Variants in POLN observed in about 807,000 individuals in gnomAD.
POLN encodes DNA polymerase nu.
In POLN, 108 loss-of-function variants were observed where a neutral mutation model predicts 113.5. The observed-to-expected ratio is 0.95, with a 90% CI of 0.81 to 1.12. POLN has a LOEUF of 1.12. Among genes scored for constraint, POLN ranks in the 50% most tolerant of loss-of-function variants. POLN has a pLI of 0.00. For synonymous variants in POLN, 386 were observed against 391.5 expected (o/e 0.99, Z 0.17); for missense variants, 1,097 against 1,077.1 (o/e 1.02, Z -0.26).
At chr4:2,091,800 T>TGTGTGTGTGTGCGCGC (rs577896956) in intron 20 of POLN, among the ~76,000 whole-genome samples, 1 of 144,848 alleles carries the variant, frequency 6.9e-6, no homozygotes, top group African/African-American at 2.5e-5. Context: ...TGTGTGTGTG[T>TGTGTGTGTGTGCGCGC]GCGCGCGCTA....
At chr4:2,182,310 G>A (rs911327655) in intron 7 of POLN, among the ~76,000 whole-genome samples, 1 of 152,168 alleles carries the variant, frequency 6.6e-6, no homozygotes, top group Non-Finnish European at 1.5e-5. Context: ...TCTTAAGTTA[G>A]GGTGAGCCCT....
chr4:2,140,951 T>G (rs1380363355), intron 16 of POLN: 2 of 152,318 alleles, frequency 1.3e-5, no homozygotes, highest in Admixed American at 1.3e-4. Flanking sequence ...GAGACGCACT[T>G]CTTCATCCTT....
At chr4:2,107,563 C>T (rs906039218) in intron 19 of POLN, among the ~76,000 whole-genome samples, 2 of 152,024 alleles carry the variant, frequency 1.3e-5, no homozygotes, top group East Asian at 3.9e-4. Context: ...AGTGGGGGAC[C>T]AGCCAGGAAG....
Position 2,213,131 on chromosome 4 carries a change from T to TAA in POLN, c.134-7_134-6dup. 1 of 1,577,020 alleles carries TAA rather than the reference T, an allele frequency of 6.3e-7. No homozygotes were observed. The highest frequency in any genetic ancestry group is 8.6e-7 in the Non-Finnish European group (1 of 1,161,920). ...ACTTGTTTATCACTTCCATAGCTTT[T>TAA]AAAAACAACAAAAAAGAAACATGGG... On this transcript the variant is annotated splice_region_variant and splice_polypyrimidine_tract_variant and intron_variant, in intron 3 of 25. Coordinates refer to ENST00000511885, the MANE Select transcript of POLN (RefSeq NM_181808.4).
At chr4:2,099,274 G>T (rs373356866) in intron 19 of POLN, among the ~76,000 whole-genome samples, 2 of 152,340 alleles carry the variant, frequency 1.3e-5, no homozygotes, top group Admixed American at 1.3e-4. Context: ...CGGAGTAGAA[G>T]AGAGTATCTT....
chr4:2,153,770 G>C (rs1474476124), intron 16 of POLN, among the ~76,000 whole-genome samples: 1 of 151,880 alleles, frequency 6.6e-6, no homozygotes, highest in Non-Finnish European at 1.5e-5. Flanking sequence ...ATGTTTAGCA[G>C]AGACGGGGTT....
In POLN at chr4:2,085,789, C is replaced by T. The variant is rs368773416; in HGVS notation, c.2066-45G>A. 21 of 1,608,292 alleles carry T rather than the reference C, an allele frequency of 1.3e-5. No individual in the cohort carries two copies. The East Asian group carries it at 2.5e-4, about 19-fold the overall frequency. On this transcript the variant is annotated intron_variant, in intron 20 of 25. Coordinates refer to ENST00000511885, the MANE Select transcript of POLN (RefSeq NM_181808.4). ...ATGTCAAAGCCTCACTCACACCAGCCGTGACTGTGTGCATGGGCTCAGTGA... is the reference window on the plus strand; with the variant it reads ...ATGTCAAAGCCTCACTCACACCAGCTGTGACTGTGTGCATGGGCTCAGTGA...
At chr4:2,142,844 C>T (rs1290546942) in intron 16 of POLN, among the ~76,000 whole-genome samples, 1 of 151,602 alleles carries the variant, frequency 6.6e-6, no homozygotes, top group Non-Finnish European at 1.5e-5. Context: ...CCACCCCCAC[C>T]TCCGCCATCC....
chr4:2,232,239 G>C, intron 2 of POLN: 1 of 681,514 alleles, frequency 1.5e-6, no homozygotes, highest in East Asian at 3.3e-5. Flanking sequence ...TAATTTACAT[G>C]GAAAGACTTT....
chr4:2,239,298 C>T (rs1734885733), intron 2 of POLN, among the ~76,000 whole-genome samples: 1 of 152,154 alleles, frequency 6.6e-6, no homozygotes, highest in African/African-American at 2.4e-5. Flanking sequence ...TCTTATTATA[C>T]TTCTTTTAAT....
At chr4:2,235,039 C>T (rs776019721) in intron 2 of POLN, among the ~76,000 whole-genome samples, 2 of 152,290 alleles carry the variant, frequency 1.3e-5, no homozygotes, top group South Asian at 4.1e-4. Flanking sequence ...TCACCCGCCA[C>T]CACGCCCGGC....
At chr4:2,233,052 T>TTC (rs1327255888) in intron 2 of POLN, among the ~76,000 whole-genome samples, 2 of 152,180 alleles carry the variant, frequency 1.3e-5, no homozygotes, top group African/African-American at 2.4e-5. Context: ...TCCCTGATGA[T>TTC]TCTAATGTAC....
At chr4:2,091,805 G>A (rs545177253) in intron 20 of POLN, among the ~76,000 whole-genome samples, 11 of 151,628 alleles carry the variant, frequency 7.3e-5, no homozygotes, top group African/African-American at 2.4e-4. Context: ...GTGTGTGCGC[G>A]CGCTACAATT....
chr4:2,099,202 C>T (rs1029189861), intron 19 of POLN, among the ~76,000 whole-genome samples: 24 of 152,096 alleles, frequency 1.6e-4, no homozygotes, highest in Admixed American at 1.5e-3. Flanking sequence ...AAAGGGTAAC[C>T]CCCAACTCCT....
intron 13 of POLN, among the ~76,000 whole-genome samples, chr4:2,160,678 G>T (rs934146417): frequency 1.3e-5 from 2 of 152,112 alleles, no homozygotes; most frequent in African/African-American, 2.4e-5. Flanking sequence ...CAAGGTGTTG[G>T]TATTACAAGC....
chr4:2,198,572 T>C lies in POLN; in HGVS notation c.860A>G (p.His287Arg). Residue 287 changes from histidine to arginine, a missense_variant, in exon 6 of 26, where the codon CAC becomes CGC. Coordinates refer to ENST00000511885, the MANE Select transcript of POLN (RefSeq NM_181808.4). ...DDPCIYIQIE[H>R]SAIWDQEQEA... ...CTGTTCTTGGTCCCAGATAGCAGAG[T>C]GCTCTATTTGAATGTAGATGCATGG... 6 of 1,613,252 alleles carry C rather than the reference T, an allele frequency of 3.7e-6. No individual in the cohort carries two copies. Among genetic ancestry groups the C allele is most frequent in the East Asian group, 2.2e-5 (1 of 44,842 alleles).
intron 3 of POLN, among the ~76,000 whole-genome samples, chr4:2,222,469 G>A (rs556041827): frequency 3.0e-4 from 45 of 151,940 alleles, no homozygotes; most frequent in African/African-American, 8.2e-4. Context: ...GTCCGGAGGC[G>A]GAGGTTAAAG....
intron 20 of POLN, chr4:2,090,026 A>G: frequency 1.1e-6 from 1 of 886,064 alleles, no homozygotes; most frequent in East Asian, 2.6e-5. Flanking sequence ...TGGAGTAAAC[A>G]GTGACTTGGA....
At chr4:2,090,993 TCTAG>T (rs1004899330) in intron 20 of POLN, among the ~76,000 whole-genome samples, 3 of 152,190 alleles carry the variant, frequency 2.0e-5, no homozygotes, top group African/African-American at 7.2e-5. Context: ...GATTGTATGT[TCTAG>T]CAGAGTTTCT....
Sources: gnomAD v4.1 joint callset for allele counts (sites outside exome capture counted in the v4.1 genomes callset) on GRCh38, gnomAD v4.1.1 for gene constraint, MANE v1.5 for transcripts, NCBI Gene and HGNC (gene_info 2026-07-23, HGNC 2026-07-21) for gene names.